The following SAMD3 variants were observed in gnomAD, a reference collection of about 807,000 sequenced individuals.
SAMD3 encodes the protein sterile alpha motif domain-containing protein 3.
Under a neutral mutation model 58.5 loss-of-function variants are expected in SAMD3, and 63 were observed. The ratio of observed to expected loss-of-function variants is 1.08; its 90% CI spans 0.88 to 1.33. The LOEUF (loss-of-function observed/expected upper bound fraction) is 1.33, where lower values mean the gene tolerates loss of function less well. Ranked by LOEUF, SAMD3 falls within the 40% of genes most tolerant of loss-of-function variation. The probability of loss-of-function intolerance (pLI) is 0.00; values close to 1 mark genes in which losing one functional copy is unlikely to be tolerated. For missense variants in SAMD3, 604 were observed against 608.4 expected (o/e 0.99, Z 0.08); for synonymous variants, 220 against 210.3 (o/e 1.05, Z -0.40).
At chr6:130,233,372 T>C (rs1796599605) in intron 2 of SAMD3, among the ~76,000 whole-genome samples, 1 of 152,208 alleles carries the variant, frequency 6.6e-6, no homozygotes, top group African/African-American at 2.4e-5. Flanking sequence ...TAGACAACTT[T>C]TAACTCTCTG....
intron 2 of SAMD3, among the ~76,000 whole-genome samples, chr6:130,250,723 A>G (rs996611311): frequency 3.7e-4 from 57 of 152,188 alleles, no homozygotes; most frequent in African/African-American, 1.3e-3. Context: ...TCTTTCTCCT[A>G]ACATAATGGT....
chr6:130,203,414 C>T (rs1214076880), intron 5 of SAMD3, among the ~76,000 whole-genome samples: 1 of 152,116 alleles, frequency 6.6e-6, no homozygotes, highest in Non-Finnish European at 1.5e-5. Flanking sequence ...CTTGCCTATC[C>T]TCATCTCCAG....
intron 2 of SAMD3, among the ~76,000 whole-genome samples, chr6:130,236,307 C>G (rs1424629626): frequency 6.6e-6 from 1 of 151,900 alleles, no homozygotes; most frequent in Non-Finnish European, 1.5e-5. Context: ...GTGACAAAGA[C>G]AGCGGAAGTT....
intron 1 of SAMD3, among the ~76,000 whole-genome samples, chr6:130,349,485 G>T (rs1777579242): frequency 6.6e-6 from 1 of 152,100 alleles, no homozygotes; most frequent in Non-Finnish European, 1.5e-5. Context: ...TAGAAGAAAT[G>T]GATAAATTCC....
chr6:130,240,627 G>A (rs945024032), intron 2 of SAMD3, among the ~76,000 whole-genome samples: 1 of 152,248 alleles, frequency 6.6e-6, no homozygotes, highest in Middle Eastern at 3.4e-3. Context: ...TGGGAAGTGG[G>A]GCCTTTTGGG....
At chr6:130,144,048 T>A (rs1389098379), downstream of SAMD3, 1 of 154,716 alleles carries the variant, frequency 6.5e-6, no homozygotes, top group Non-Finnish European at 1.4e-5. Flanking sequence ...GCAAGGCAGA[T>A]CCCCTGAGGG....
At chr6:130,287,033 C>G (rs951787780) in intron 2 of SAMD3, among the ~76,000 whole-genome samples, 4 of 152,132 alleles carry the variant, frequency 2.6e-5, no homozygotes, top group African/African-American at 4.8e-5. Context: ...CAAAATCTCT[C>G]CTTCCCCTAA....
chr6:130,220,979 G>A lies in SAMD3; in HGVS notation c.-68+1715C>T, dbSNP rs1337248351. Among the ~76,000 whole-genome samples the A allele has an allele frequency of 2.0e-5, 3 of 151,898 alleles. 1 individual carries two copies. Among genetic ancestry groups the A allele is most frequent in the Admixed American group, 1.3e-4 (2 of 15,250 alleles). On this transcript the variant is annotated intron_variant, in intron 1 of 11. Coordinates refer to ENST00000439090, the MANE Select transcript of SAMD3 (RefSeq NM_001017373.4). ...TGCCATTCTCCTGCCTCAACCTCCCGAGTAGCTGGGACTACGGGTGCCCAC... is the reference window on the plus strand; with the variant it reads ...TGCCATTCTCCTGCCTCAACCTCCCAAGTAGCTGGGACTACGGGTGCCCAC...
At chr6:130,352,724 T>C (rs1777715973) in intron 1 of SAMD3, among the ~76,000 whole-genome samples, 4 of 152,170 alleles carry the variant, frequency 2.6e-5, no homozygotes, top group Non-Finnish European at 5.9e-5. Flanking sequence ...GACCTTAATT[T>C]TGAAAAGAAC....
At chr6:130,318,868 G>T (rs1434425044) in intron 1 of SAMD3, among the ~76,000 whole-genome samples, 1 of 152,158 alleles carries the variant, frequency 6.6e-6, no homozygotes, top group Non-Finnish European at 1.5e-5. Flanking sequence ...TGATAAGGTT[G>T]TTAGTTCTGT....
intron 1 of SAMD3, among the ~76,000 whole-genome samples, chr6:130,314,800 T>C (rs1776304867): frequency 6.6e-6 from 1 of 152,254 alleles, no homozygotes; most frequent in East Asian, 1.9e-4. Context: ...AAACTAAGTG[T>C]CCTATGAACA....
chr6:130,336,380 A>G (rs535529673), intron 1 of SAMD3, among the ~76,000 whole-genome samples: 1 of 152,180 alleles, frequency 6.6e-6, no homozygotes, highest in African/African-American at 2.4e-5. Flanking sequence ...ATGTAATACT[A>G]CCTTGAAGAG....
chr6:130,358,170 T>C, intron 1 of SAMD3, among the ~76,000 whole-genome samples: 1 of 152,244 alleles, frequency 6.6e-6, no homozygotes, highest in Admixed American at 6.5e-5. Flanking sequence ...CCTAGCAGGA[T>C]ATTTAAAAAT....
intron 2 of SAMD3, among the ~76,000 whole-genome samples, chr6:130,274,189 A>C (rs1360917381): frequency 6.6e-6 from 1 of 152,136 alleles, no homozygotes; most frequent in Non-Finnish European, 1.5e-5. Context: ...GTCTTTCAGT[A>C]CCTTGACTAT....
chr6:130,235,531 G>T (rs1773117470), intron 2 of SAMD3, among the ~76,000 whole-genome samples: 1 of 152,046 alleles, frequency 6.6e-6, no homozygotes, highest in East Asian at 1.9e-4. Context: ...CAAAGTATCG[G>T]CAGTCAAAAA....
rs997721848 is a variant in SAMD3 at position 130,356,295 on chromosome 6, C to T, written c.-304+8825G>A. Reference sequence around the variant, plus strand: ...GGTCCCTACACATACCCAGAACACTCTAGCTCAGAGTTTCTGCATTTGCCT... The same window carrying T: ...GGTCCCTACACATACCCAGAACACTTTAGCTCAGAGTTTCTGCATTTGCCT... On this transcript the variant is annotated intron_variant, in intron 1 of 13. Transcript: ENST00000368134. 2.6e-5 allele frequency among the ~76,000 whole-genome samples: 4 copies of T among 152,322 alleles called. No homozygotes were observed. In the East Asian group the frequency reaches 7.7e-4, roughly 29 times the overall value.
intron 7 of SAMD3, chr6:130,183,605 A>C (rs1404434432): frequency 3.0e-6 from 1 of 331,902 alleles, no homozygotes; most frequent in Non-Finnish European, 5.9e-6. Context: ...AAGACTCTAA[A>C]GCGAACAGCT....
chr6:130,188,253 C>G lies in SAMD3; in HGVS notation c.384-3630G>C, dbSNP rs140658094. Among the ~76,000 whole-genome samples the G allele has an allele frequency of 8.2e-3, 1,246 of 152,230 alleles. 18 individuals are homozygous for G. The highest frequency in any genetic ancestry group is 0.028 in the African/African-American group (1,146 of 41,546). On this transcript the variant is annotated intron_variant, in intron 5 of 11. Coordinates refer to ENST00000439090, the MANE Select transcript of SAMD3 (RefSeq NM_001017373.4). ...GTAGGAAAGATGGCTCTGTTAAGAA[C>G]GGGCTCAGGTGAGCACCAGCTCTCT...
chr6:130,296,590 C>A (rs1050728619), intron 2 of SAMD3, among the ~76,000 whole-genome samples: 1 of 152,282 alleles, frequency 6.6e-6, no homozygotes, highest in East Asian at 1.9e-4. Flanking sequence ...GTTTTTCATA[C>A]TTTTTGTGGT....
Sources: gnomAD v4.1 joint callset for allele counts (sites outside exome capture counted in the v4.1 genomes callset) on GRCh38, gnomAD v4.1.1 for gene constraint, MANE v1.5 for transcripts, NCBI Gene and HGNC (gene_info 2026-07-23, HGNC 2026-07-21) for gene names.